The following CALN1 variants were observed in gnomAD, a reference collection of about 807,000 sequenced individuals.
CALN1 encodes calcium-binding protein 8.
Under a neutral mutation model 30.6 loss-of-function variants are expected in CALN1, and 17 were observed. The observed-to-expected ratio is 0.56, with a 90% CI of 0.38 to 0.83. The LOEUF (loss-of-function observed/expected upper bound fraction) is 0.83. CALN1 is among the 40% of genes least tolerant of loss of function. The probability of loss-of-function intolerance (pLI) is 0.00; values close to 1 mark genes in which losing one functional copy is unlikely to be tolerated. For synonymous variants in CALN1, 156 were observed against 131.4 expected, an observed-to-expected ratio of 1.19 and a Z score of -1.28; for missense variants, 291 against 354.9, an observed-to-expected ratio of 0.82 and a Z score of 1.45.
At chr7:72,413,734 G>C (rs546946990), upstream of CALN1, among the ~76,000 whole-genome samples, 1 of 151,000 alleles carries the variant, frequency 6.6e-6, no homozygotes, top group Non-Finnish European at 1.5e-5. Flanking sequence ...ATACACACAC[G>C]CACAGCACAT....
intron 2 of CALN1, among the ~76,000 whole-genome samples, chr7:72,288,756 G>A (rs1004756069): frequency 6.6e-6 from 1 of 151,954 alleles, no homozygotes; most frequent in Non-Finnish European, 1.5e-5. Context: ...TTTATGTATT[G>A]GATTGTTTAT....
intron 3 of CALN1, among the ~76,000 whole-genome samples, chr7:72,109,938 G>A (rs1426596025): frequency 6.6e-6 from 1 of 152,198 alleles, no homozygotes; most frequent in Non-Finnish European, 1.5e-5. Flanking sequence ...ACTGGGGCCA[G>A]GACATACGAT....
At chr7:71,865,572 G>A (rs906739761) in intron 5 of CALN1, among the ~76,000 whole-genome samples, 8 of 152,158 alleles carry the variant, frequency 5.3e-5, no homozygotes, top group Admixed American at 3.3e-4. Context: ...TCCCTGCCTC[G>A]TTGGCTTTAT....
At position 71,889,763 on chromosome 7, in the gene CALN1, TGGC is replaced by T. The variant is rs1793127948; in HGVS notation, c.502-79274_502-79272del. On this transcript the variant is annotated intron_variant, in intron 5 of 6. Coordinates refer to ENST00000395275, the MANE Select transcript of CALN1 (RefSeq NM_031468.4). ...TGAGGTCAGGAGTTCAAGACCAGCC[TGGC>T]CAACATGGCGAAACCCTGTCTCTAC... Among the ~76,000 whole-genome samples, 3 of 152,170 alleles carry T rather than the reference TGGC, an allele frequency of 2.0e-5. No homozygotes were observed. In the South Asian group the frequency reaches 6.2e-4, roughly 32 times the overall value.
intron 3 of CALN1, among the ~76,000 whole-genome samples, chr7:72,185,859 C>T (rs1198255738): frequency 1.3e-5 from 2 of 152,192 alleles, no homozygotes; most frequent in African/African-American, 2.4e-5. Context: ...TGCCTTCCCC[C>T]ATGATTGCGA....
chr7:72,415,462 G>A (rs1050701626), upstream of CALN1, among the ~76,000 whole-genome samples: 5 of 152,208 alleles, frequency 3.3e-5, no homozygotes, highest in South Asian at 2.1e-4. Flanking sequence ...AGTATGGCCC[G>A]GCATTGCCAG....
intron 5 of CALN1, among the ~76,000 whole-genome samples, chr7:71,918,641 C>A (rs368687785): frequency 4.0e-4 from 61 of 152,264 alleles, no homozygotes; most frequent in African/African-American, 1.4e-3. Flanking sequence ...GAAGCAAAGA[C>A]CCCCTTCATC....
At chr7:72,486,452 AC>A in the CALN1 span, among the ~76,000 whole-genome samples, 1 of 151,934 alleles carries the variant, frequency 6.6e-6, no homozygotes, top group Admixed American at 6.6e-5. Flanking sequence ...GCTCACTGTA[AC>A]CTCTGTCTTC....
intron 3 of CALN1, among the ~76,000 whole-genome samples, chr7:72,169,662 AT>A (rs200562127): frequency 2.7e-5 from 4 of 150,920 alleles, no homozygotes; most frequent in Admixed American, 6.6e-5. Flanking sequence ...TAAGGCTTTA[AT>A]TTTTTTTGTT....
chr7:71,960,791 C>T (rs2867562), intron 5 of CALN1, among the ~76,000 whole-genome samples: 1 of 151,924 alleles, frequency 6.6e-6, no homozygotes, highest in Non-Finnish European at 1.5e-5. Context: ...ATTACCTGGT[C>T]GTGATATTAA....
At chr7:72,007,127 T>C (rs1799812689) in intron 5 of CALN1, among the ~76,000 whole-genome samples, 1 of 152,206 alleles carries the variant, frequency 6.6e-6, no homozygotes, top group South Asian at 2.1e-4. Context: ...ACCAGGACTG[T>C]TCGGAATAAA....
chr7:71,831,765 A>C (rs1458169077), intron 5 of CALN1, among the ~76,000 whole-genome samples: 1 of 147,728 alleles, frequency 6.8e-6, no homozygotes, highest in African/African-American at 2.5e-5. Flanking sequence ...GGCAGCACGC[A>C]CCTGTAGTCG....
intron 3 of CALN1, among the ~76,000 whole-genome samples, chr7:72,206,923 T>C (rs1166969138): frequency 6.6e-6 from 1 of 152,192 alleles, no homozygotes; most frequent in Non-Finnish European, 1.5e-5. Context: ...TAGGTCCCTG[T>C]ATTTTTATAA....
At chr7:72,264,473 C>T (rs1796480658) in intron 3 of CALN1, among the ~76,000 whole-genome samples, 1 of 151,590 alleles carries the variant, frequency 6.6e-6, no homozygotes, top group South Asian at 2.1e-4. Flanking sequence ...TACAACACTT[C>T]CTGCTCAAAA....
At chr7:72,241,579 G>A (rs1295563990) in intron 3 of CALN1, among the ~76,000 whole-genome samples, 1 of 152,096 alleles carries the variant, frequency 6.6e-6, no homozygotes, top group African/African-American at 2.4e-5. Flanking sequence ...GGTGGCGCAT[G>A]CCTGTAATCC....
chr7:72,085,225 A>G (rs1805406182), intron 4 of CALN1, among the ~76,000 whole-genome samples: 1 of 152,188 alleles, frequency 6.6e-6, no homozygotes, highest in Non-Finnish European at 1.5e-5. Flanking sequence ...CTGTGATCCC[A>G]GCATTTTGGG....
intron 1 of CALN1, among the ~76,000 whole-genome samples, chr7:72,408,457 C>T (rs1806856626): frequency 6.6e-6 from 1 of 151,664 alleles, no homozygotes; most frequent in Non-Finnish European, 1.5e-5. Flanking sequence ...ATTAAACACA[C>T]ACACAGAGAT....
At chr7:71,880,716 G>C (rs769630433) in intron 5 of CALN1, among the ~76,000 whole-genome samples, 1 of 152,138 alleles carries the variant, frequency 6.6e-6, no homozygotes, top group Non-Finnish European at 1.5e-5. Context: ...AAATAAATAA[G>C]TTAAATAACT....
intron 6 of CALN1, among the ~76,000 whole-genome samples, chr7:71,792,185 A>G (rs964656477): frequency 6.6e-6 from 1 of 152,140 alleles, no homozygotes; most frequent in African/African-American, 2.4e-5. Context: ...ATATTTTTGT[A>G]TATTTATTTA....
Sources: gnomAD v4.1 joint callset for allele counts (sites outside exome capture counted in the v4.1 genomes callset) on GRCh38, gnomAD v4.1.1 for gene constraint, MANE v1.5 for transcripts, NCBI Gene and HGNC (gene_info 2026-07-23, HGNC 2026-07-21) for gene names.